The following RBCK1 variants were observed in gnomAD, a reference collection of about 807,000 sequenced individuals.
The protein encoded by RBCK1 is RANBP2-type and C3HC4-type zinc finger containing 1.
Under a neutral mutation model 71.1 loss-of-function variants are expected in RBCK1, and 44 were observed. That is an observed-to-expected ratio of 0.62 (90% CI 0.49 to 0.80). The LOEUF is 0.80. Among genes scored for constraint, RBCK1 ranks in the 30% least tolerant of loss-of-function variants. RBCK1 has a pLI of 0.00. For synonymous variants in RBCK1, 306 were observed against 279.7 expected, an observed-to-expected ratio of 1.09 and a Z score of -0.94; for missense variants, 569 against 685.0, an observed-to-expected ratio of 0.83 and a Z score of 1.89.
At chr20:426,416 G>A (rs1327973628) in intron 8 of RBCK1, among the ~76,000 whole-genome samples, 2 of 151,882 alleles carry the variant, frequency 1.3e-5, no homozygotes, top group East Asian at 1.9e-4. Context: ...CAGTTGTTTC[G>A]ATTTTTAGCA....
In RBCK1 at chr20:429,041, G is replaced by A. The variant is rs759579190; in HGVS notation, c.1399G>A (p.Val467Ile). ...CGGCTGCGACTGGATCCGCTGCACC[G>A]TCTGCCACACCGAGATCTGCTGGGT... ...KDGCDWIRCT[V>I]CHTEICWVTK... The change falls in exon 11 of 12, where the codon GTC (valine) becomes ATC (isoleucine). Residue 467 changes from valine to isoleucine, a missense_variant. This residue lies in a region of RBCK1 where 211 missense variants were observed against 309.4 expected (regional missense o/e 0.68). Transcript: ENST00000356286. 12 of 1,612,692 alleles carry A rather than the reference G, an allele frequency of 7.4e-6. No homozygotes were observed. Among genetic ancestry groups the A allele is most frequent in the Middle Eastern group, 1.7e-4 (1 of 5,898 alleles).
At position 417,704 on chromosome 20, in the gene RBCK1, C is replaced by T; in HGVS notation, c.262-28C>T. The stretch of plus-strand genomic sequence containing the variant: ...CTCTCTCTCCTCTGGCCCTCCCTTC[C>T]CACTCTCCCTCTCTTTGCCCCCACC... On this transcript the variant is annotated intron_variant, in intron 3 of 11. Transcript: ENST00000356286. The surrounding 1 kb of genome is among the most constrained non-coding windows in gnomAD (Gnocchi z 4.7). 6.2e-7 allele frequency: 1 copy of T among 1,605,846 alleles called. No individual in the cohort carries two copies. The highest frequency in any genetic ancestry group is 1.3e-5 in the African/African-American group (1 of 74,890).
intron 4 of RBCK1, among the ~76,000 whole-genome samples, chr20:418,267 T>C (rs1334982292): frequency 2.0e-5 from 3 of 152,256 alleles, no homozygotes; most frequent in Non-Finnish European, 4.4e-5. Context: ...ATTCTTAATT[T>C]TTAACTTCTG....
Position 417,969 on chromosome 20 carries a change from G to A in RBCK1, c.460+39G>A. On this transcript the variant is annotated intron_variant, in intron 4 of 11. Coordinates refer to ENST00000356286, the MANE Select transcript of RBCK1 (RefSeq NM_031229.4). This position sits in a 1 kb window ranked among gnomAD's most constrained non-coding sequence, Gnocchi z 4.7. Reference sequence around the variant, plus strand: ...CTGAGCACCGCCGGACCCAGCGGGGGCCCTGGACTCACTTGAGGGCATAGG... The same window carrying A: ...CTGAGCACCGCCGGACCCAGCGGGGACCCTGGACTCACTTGAGGGCATAGG... 6.4e-7 allele frequency: 1 copy of A among 1,574,664 alleles called. No homozygotes were observed. The highest frequency in any genetic ancestry group is 8.6e-7 in the Non-Finnish European group (1 of 1,164,746).
chr20:426,435 TA>T (rs1457760103), intron 8 of RBCK1, among the ~76,000 whole-genome samples: 4 of 151,322 alleles, frequency 2.6e-5, no homozygotes, highest in African/African-American at 9.8e-5. Context: ...CACCTGCAAA[TA>T]AGTGAGAACA....
At chr20:427,564 G>A in intron 9 of RBCK1, 72 bp downstream of exon 9, 5 of 1,523,826 alleles carry the variant, frequency 3.3e-6, no homozygotes, top group Non-Finnish European at 3.6e-6. Context: ...TGCAGTGCGT[G>A]TTCTCCTGGG....
At chr20:420,802 T>G in intron 6 of RBCK1, 69 bp from the exon 7 acceptor site, 1 of 1,404,776 alleles carries the variant, frequency 7.1e-7, no homozygotes, top group Non-Finnish European at 9.5e-7. Flanking sequence ...CCCCTGGCCC[T>G]TCCCCCTTCG....
rs759758359 is a variant in RBCK1 at position 428,451 on chromosome 20, C to T, written c.1210-40C>T. The T allele has an allele frequency of 4.1e-6, 6 of 1,480,896 alleles. No individual in the cohort carries two copies. The highest frequency in any genetic ancestry group is 3.7e-6 in the Non-Finnish European group (4 of 1,092,172). The allele number at this position is 1,480,896 out of a possible 1,614,324, so 91.7% of individuals were successfully genotyped here. On this transcript the variant is annotated intron_variant, in intron 9 of 11. Transcript: ENST00000356286. This position sits in a 1 kb window ranked among gnomAD's most constrained non-coding sequence, Gnocchi z 5.7. ...TCACCTCTCCCAGCTTCTTAACCCCCTGAGGAACCTTCTTACCTTGAGTCC... is the reference window on the plus strand; with the variant it reads ...TCACCTCTCCCAGCTTCTTAACCCCTTGAGGAACCTTCTTACCTTGAGTCC...
In RBCK1 at chr20:417,650, G is replaced by T; in HGVS notation, c.261+31G>T. ...TGAGGAGGCGGAGGGCGACACTGGG[G>T]TGAAGGCTCTCCCTTTCACTCCTGC... is the stretch of plus-strand genomic sequence containing the variant. On this transcript the variant is annotated intron_variant, in intron 3 of 11. Transcript: ENST00000356286. This position sits in a 1 kb window ranked among gnomAD's most constrained non-coding sequence, Gnocchi z 4.7. 1.2e-6 allele frequency: 2 copies of T among 1,608,186 alleles called. No individual in the cohort carries two copies. The highest frequency in any genetic ancestry group is 1.7e-5 in the Admixed American group (1 of 59,914).
At chr20:418,474 T>C (rs902514809) in intron 4 of RBCK1, among the ~76,000 whole-genome samples, 1 of 152,154 alleles carries the variant, frequency 6.6e-6, no homozygotes, top group African/African-American at 2.4e-5. Context: ...GTTCACGCCA[T>C]TCTCCTGCCT....
chr20:430,046 G>A lies in RBCK1; in HGVS notation c.1453-304G>A, dbSNP rs201767592. Among the ~76,000 whole-genome samples the A allele has an allele frequency of 2.1e-4, 32 of 152,336 alleles. No individual in the cohort carries two copies. In the East Asian group the frequency reaches 5.0e-3, roughly 24 times the overall value. ...TCTGGAATTGGGGGCCTGTTGCTAC[G>A]TTCAGGTAGACTTTCAGACAGGTGG... On this transcript the variant is annotated intron_variant, in intron 11 of 11. Transcript: ENST00000356286. This position sits in a 1 kb window ranked among gnomAD's most constrained non-coding sequence, Gnocchi z 5.6.
At chr20:416,692 AC>A (rs769447394) in intron 2 of RBCK1, among the ~76,000 whole-genome samples, 2 of 152,196 alleles carry the variant, frequency 1.3e-5, no homozygotes, top group Non-Finnish European at 2.9e-5. Flanking sequence ...CTGGAATAAT[AC>A]CATGTAGATT....
chr20:417,943 C>G lies in RBCK1; in HGVS notation c.460+13C>G. 3 of 1,600,284 alleles carry G rather than the reference C, an allele frequency of 1.9e-6. No individual in the cohort carries two copies. Among genetic ancestry groups the G allele is most frequent in the Non-Finnish European group, 2.5e-6 (3 of 1,178,662 alleles). ...CGGATGCTGGAAGGTGAGGCTCTGC[C>G]CTGAGCACCGCCGGACCCAGCGGGG... On this transcript the variant is annotated intron_variant, in intron 4 of 11. Transcript: ENST00000356286. This position sits in a 1 kb window ranked among gnomAD's most constrained non-coding sequence, Gnocchi z 4.7.
chr20:415,379 A>AAAAC (rs56173827), intron 2 of RBCK1, among the ~76,000 whole-genome samples: 135,715 of 151,628 alleles, frequency 0.9, 60,861 homozygotes, highest in African/African-American at 0.95. Flanking sequence ...AAAAAAAACA[A>AAAAC]AAACAAACAA....
Position 408,402 on chromosome 20 carries a change from C to T in RBCK1, c.-356C>T, listed in dbSNP as rs1189449559. ...TGAAACCCGGGACGCCAGGGGCGCT[C>T]CCGCAAGTGGGGGTCCTCCGGGACT... On this transcript the variant is annotated 5_prime_UTR_variant, in exon 1 of 12. Coordinates refer to ENST00000356286, the MANE Select transcript of RBCK1 (RefSeq NM_031229.4). 7 of 431,872 alleles carry T rather than the reference C, an allele frequency of 1.6e-5. No homozygotes were observed. Among genetic ancestry groups the T allele is most frequent in the Admixed American group, 8.7e-5 (2 of 23,044 alleles). 26.8% of individuals were successfully genotyped at this position (431,872 alleles called of 1,614,324 possible). A position where few individuals can be genotyped will look rare whatever the true frequency, so the allele number is the denominator to read the frequency against.
chr20:416,744 A>G (rs1016700468), intron 2 of RBCK1, among the ~76,000 whole-genome samples: 2 of 152,222 alleles, frequency 1.3e-5, no homozygotes, highest in African/African-American at 4.8e-5. Context: ...TTACTCCTGT[A>G]ATCCCACTTC....
intron 8 of RBCK1, among the ~76,000 whole-genome samples, chr20:423,033 C>T (rs1259003119): frequency 6.6e-6 from 1 of 152,194 alleles, no homozygotes; most frequent in East Asian, 1.9e-4. Context: ...GGCGCAGTGG[C>T]TCATTCCTGT....
rs2017021168 is a variant in RBCK1, at chr20:431,755, T to C, written c.*1325T>C. On this transcript the variant is annotated 3_prime_UTR_variant, in exon 12 of 12. Coordinates refer to ENST00000356286, the MANE Select transcript of RBCK1 (RefSeq NM_031229.4). This position sits in a 1 kb window ranked among gnomAD's most constrained non-coding sequence, Gnocchi z 4.8. The stretch of plus-strand genomic sequence containing the variant: ...ACTGGGTCCTTCGGCACTGCCTGCA[T>C]TGGCTCAGGGCAGTCAACCGTCGCA... Among the ~76,000 whole-genome samples, 1 of 152,174 alleles carries C rather than the reference T, an allele frequency of 6.6e-6. No homozygotes were observed. Among genetic ancestry groups the C allele is most frequent in the Non-Finnish European group, 1.5e-5 (1 of 68,024 alleles).
rs755160706 is a variant in RBCK1 at position 417,981 on chromosome 20, C to T, written c.460+51C>T. Reference sequence around the variant, plus strand: ...GGACCCAGCGGGGGCCCTGGACTCACTTGAGGGCATAGGGCAAGCAGGGGC... The same window carrying T: ...GGACCCAGCGGGGGCCCTGGACTCATTTGAGGGCATAGGGCAAGCAGGGGC... On this transcript the variant is annotated intron_variant, in intron 4 of 11. Transcript: ENST00000356286. This position sits in a 1 kb window ranked among gnomAD's most constrained non-coding sequence, Gnocchi z 4.7. 3.9e-6 allele frequency: 6 copies of T among 1,549,414 alleles called. No homozygotes were observed. Among genetic ancestry groups the T allele is most frequent in the South Asian group, 1.2e-5 (1 of 86,488 alleles).
Sources: gnomAD v4.1 joint callset for allele counts (sites outside exome capture counted in the v4.1 genomes callset) on GRCh38, gnomAD v4.1.1 for gene constraint, gnomAD v4.1.1 regional missense constraint, Gnocchi (gnomAD v3.1) non-coding constraint, MANE v1.5 for transcripts, NCBI Gene and HGNC (gene_info 2026-07-23, HGNC 2026-07-21) for gene names.